The following VGLL4 variants were observed in gnomAD, a reference collection of about 807,000 sequenced individuals.
VGLL4 encodes the protein vestigial like family member 4.
VGLL4 carries 7 observed loss-of-function variants against 21.0 expected under a neutral mutation model. The ratio of observed to expected loss-of-function variants is 0.33; its 90% confidence interval spans 0.19 to 0.63. The LOEUF (loss-of-function observed/expected upper bound fraction) is 0.63, where lower values mean the gene tolerates loss of function less well. Ranked by LOEUF, VGLL4 falls within the 20% of genes least tolerant of loss-of-function variation. The pLI is 0.78. For missense variants in VGLL4, 394 were observed against 425.7 expected (o/e 0.93, Z 0.66); for synonymous variants, 222 against 173.2 (o/e 1.28, Z -2.21).
chr3:11,695,518 A>G (rs958898748), intron 2 of VGLL4, among the ~76,000 whole-genome samples: 1 of 152,208 alleles, frequency 6.6e-6, no homozygotes, highest in Admixed American at 6.5e-5. Context: ...CATGTGCATG[A>G]TGAAGGAAAT....
intron 1 of VGLL4, among the ~76,000 whole-genome samples, chr3:11,642,404 A>G (rs1354615629): frequency 6.6e-6 from 1 of 152,216 alleles, no homozygotes; most frequent in Non-Finnish European, 1.5e-5. Context: ...TTAAAAAAAT[A>G]CAAGTGAATC....
At chr3:11,665,874 G>A (rs1200157790) in intron 2 of VGLL4, among the ~76,000 whole-genome samples, 1 of 152,222 alleles carries the variant, frequency 6.6e-6, no homozygotes, top group South Asian at 2.1e-4. Context: ...GGCACAGGTA[G>A]GGGCAAGAGA....
At chr3:11,631,766 C>A (rs908098520) in intron 1 of VGLL4, among the ~76,000 whole-genome samples, 8 of 152,112 alleles carry the variant, frequency 5.3e-5, no homozygotes, top group Non-Finnish European at 1.2e-4. Flanking sequence ...AGGAGTTCAT[C>A]ATAATTAATT....
chr3:11,595,944 T>C (rs1026028630), intron 2 of VGLL4, among the ~76,000 whole-genome samples: 47 of 151,816 alleles, frequency 3.1e-4, no homozygotes, highest in Non-Finnish European at 1.2e-4. Flanking sequence ...GTAACTAACC[T>C]GCACATTGTG....
At chr3:11,716,450 G>A (rs2076920855) in intron 1 of VGLL4, among the ~76,000 whole-genome samples, 1 of 152,102 alleles carries the variant, frequency 6.6e-6, no homozygotes, top group South Asian at 2.1e-4. Flanking sequence ...TGCATTGGGA[G>A]GCTCAAATTT....
chr3:11,629,516 G>C (rs1296041132), intron 1 of VGLL4, among the ~76,000 whole-genome samples: 3 of 152,084 alleles, frequency 2.0e-5, no homozygotes, highest in Non-Finnish European at 2.9e-5. Flanking sequence ...CAGCACTTTG[G>C]GAGGCAGAGG....
intron 2 of VGLL4, among the ~76,000 whole-genome samples, chr3:11,695,320 T>A (rs1323437826): frequency 6.6e-6 from 1 of 152,094 alleles, no homozygotes; most frequent in African/African-American, 2.4e-5. Context: ...AGTGCTGGGA[T>A]TACAGGTGTG....
chr3:11,593,066 G>A (rs369545821), intron 2 of VGLL4, among the ~76,000 whole-genome samples: 8 of 152,160 alleles, frequency 5.3e-5, no homozygotes, highest in African/African-American at 1.7e-4. Context: ...TGTTTACGAC[G>A]TCCCAGCTGC....
intron 2 of VGLL4, among the ~76,000 whole-genome samples, chr3:11,702,122 C>T (rs1020481115): frequency 3.9e-5 from 6 of 152,072 alleles, no homozygotes; most frequent in Non-Finnish European, 5.9e-5. Flanking sequence ...ACATTTCCAA[C>T]GACATAAATG....
At position 11,559,775 on chromosome 3, in the gene VGLL4, CAG is replaced by C. The variant is rs574597861; in HGVS notation, c.496-322_496-321del. On this transcript the variant is annotated intron_variant, in intron 3 of 4. Coordinates refer to ENST00000430365, the MANE Select transcript of VGLL4 (RefSeq NM_001128219.3). ...CAAACACCGGGCATCCTGTGGAGGACAGAGGGTTGCAGGAGGGACCTCGATTC... is the reference window on the plus strand; with the variant it reads ...CAAACACCGGGCATCCTGTGGAGGACAGGGTTGCAGGAGGGACCTCGATTC... 3.3e-5 allele frequency among the ~76,000 whole-genome samples: 5 copies of C among 152,320 alleles called. No individual in the cohort carries two copies. The East Asian group carries it at 7.7e-4, about 24-fold the overall frequency.
chr3:11,632,776 C>A (rs1000082296), intron 1 of VGLL4, among the ~76,000 whole-genome samples: 1 of 152,174 alleles, frequency 6.6e-6, no homozygotes, highest in Non-Finnish European at 1.5e-5. Flanking sequence ...ATCTGTCTCC[C>A]CTGCTAGAAC....
At chr3:11,624,402 C>G (rs986095168) in intron 1 of VGLL4, among the ~76,000 whole-genome samples, 1 of 152,150 alleles carries the variant, frequency 6.6e-6, no homozygotes, top group African/African-American at 2.4e-5. Context: ...GCCTGATGAA[C>G]GAGTTTCAGA....
At chr3:11,580,759 A>T (rs2125223475) in intron 2 of VGLL4, among the ~76,000 whole-genome samples, 1 of 152,370 alleles carries the variant, frequency 6.6e-6, no homozygotes, top group East Asian at 1.9e-4. Context: ...AACACTGGAC[A>T]TAAAAGTTAA....
chr3:11,703,134 T>G, intron 1 of VGLL4: 1 of 1,130,934 alleles, frequency 8.8e-7, no homozygotes, highest in South Asian at 1.6e-5. Flanking sequence ...GAATGAGTCC[T>G]CAACCAAATG....
chr3:11,634,986 G>A (rs1456565385), intron 1 of VGLL4, among the ~76,000 whole-genome samples: 2 of 152,170 alleles, frequency 1.3e-5, no homozygotes, highest in Non-Finnish European at 2.9e-5. Flanking sequence ...CTCAGTATTT[G>A]AGCAAAGGGA....
intron 3 of VGLL4, among the ~76,000 whole-genome samples, chr3:11,560,159 C>T (rs568111601): frequency 2.6e-5 from 4 of 152,268 alleles, no homozygotes; most frequent in South Asian, 2.1e-4. Context: ...CCACCACCAC[C>T]GCTTTTCACT....
In VGLL4 at chr3:11,564,837, G is replaced by A; in HGVS notation, c.455C>T (p.Ala152Val). 1.3e-6 allele frequency: 2 copies of A among 1,597,682 alleles called. No homozygotes were observed. Among genetic ancestry groups the A allele is most frequent in the Non-Finnish European group, 1.7e-6 (2 of 1,173,588 alleles). Reference sequence around the variant, plus strand: ...CGGGGTCAGTGTGGGCGAGAGGCCGGCTGGCCTGCTGGCGTCCAGGCTGTT... The same window carrying A: ...CGGGGTCAGTGTGGGCGAGAGGCCGACTGGCCTGCTGGCGTCCAGGCTGTT... Reference protein sequence around the residue: ...TKNSLDASRPAGLSPTLTPGE... With the variant: ...TKNSLDASRPVGLSPTLTPGE... The change falls in exon 3 of 5, where the codon GCC (alanine) becomes GTC (valine). Residue 152 changes from alanine (A) to valine (V), a missense_variant. Ala to Val is a moderately conservative substitution (Grantham distance 64). Coordinates refer to ENST00000430365, the MANE Select transcript of VGLL4 (RefSeq NM_001128219.3).
At chr3:11,608,070 C>T (rs896706602) in intron 1 of VGLL4, among the ~76,000 whole-genome samples, 3 of 152,190 alleles carry the variant, frequency 2.0e-5, no homozygotes, top group Non-Finnish European at 4.4e-5. Flanking sequence ...AGGCTTTTCC[C>T]TCTTGTTCTA....
chr3:11,576,335 G>C (rs536971462), intron 2 of VGLL4, among the ~76,000 whole-genome samples: 3 of 152,164 alleles, frequency 2.0e-5, no homozygotes, highest in Non-Finnish European at 4.4e-5. Flanking sequence ...TAATAAAATT[G>C]AAAAGAATTT....
Sources: allele counts gnomAD v4.1 joint callset (sites outside exome capture counted in the v4.1 genomes callset), GRCh38; gene constraint gnomAD v4.1.1; transcripts MANE v1.5; gene names NCBI Gene and HGNC (gene_info 2026-07-23, HGNC 2026-07-21).